The following RUNX1T1 variants were observed in gnomAD, a reference collection of about 807,000 sequenced individuals.
The protein encoded by RUNX1T1 is RUNX1 partner transcriptional co-repressor 1, also known as protein CBFA2T1.
In RUNX1T1, 4 loss-of-function variants were observed where a neutral mutation model predicts 62.8. The observed-to-expected ratio is 0.06, with a 90% CI of 0.03 to 0.15. The LOEUF is 0.15. Among genes scored for constraint, RUNX1T1 ranks in the 10% least tolerant of loss-of-function variants. The pLI is 1.00. For missense variants in RUNX1T1, 508 were observed against 754.3 expected (o/e 0.67, Z 3.82); for synonymous variants, 291 against 286.0 (o/e 1.02, Z -0.18).
At chr8:92,035,378 T>C (rs1827229838) in intron 1 of RUNX1T1, among the ~76,000 whole-genome samples, 1 of 150,990 alleles carries the variant, frequency 6.6e-6, no homozygotes, top group Admixed American at 6.6e-5. Flanking sequence ...GAGGTGAGAG[T>C]TGAAAAATTA....
chr8:92,087,945 T>C (rs1372954489), intron 1 of RUNX1T1, among the ~76,000 whole-genome samples: 1 of 152,214 alleles, frequency 6.6e-6, no homozygotes, highest in African/African-American at 2.4e-5. Context: ...ACATTAACTC[T>C]TCCTTTAGAC....
At chr8:92,093,890 G>C (rs936012227) in intron 1 of RUNX1T1, among the ~76,000 whole-genome samples, 1 of 152,102 alleles carries the variant, frequency 6.6e-6, no homozygotes, top group Non-Finnish European at 1.5e-5. Context: ...CTATTTCTCT[G>C]TAACATCCAA....
At chr8:91,986,760 T>A (rs901842489) in intron 7 of RUNX1T1, 127 bp downstream of exon 8, 1 of 684,604 alleles carries the variant, frequency 1.5e-6, no homozygotes, top group African/African-American at 1.8e-5. Flanking sequence ...TCTCGCTCAT[T>A]TTTTTTTCAA....
chr8:92,050,997 T>A, intron 1 of RUNX1T1, among the ~76,000 whole-genome samples: 1 of 152,208 alleles, frequency 6.6e-6, no homozygotes, highest in South Asian at 2.1e-4. Context: ...ATCTCACCTA[T>A]TTAAAGGTGT....
chr8:92,052,511 G>A (rs1830391722), intron 1 of RUNX1T1, among the ~76,000 whole-genome samples: 1 of 151,866 alleles, frequency 6.6e-6, no homozygotes, highest in Non-Finnish European at 1.5e-5. Context: ...AAAATAAAAA[G>A]AAAAAATAAG....
At chr8:91,974,764 G>A (rs993423920) in intron 9 of RUNX1T1, among the ~76,000 whole-genome samples, 5 of 152,250 alleles carry the variant, frequency 3.3e-5, no homozygotes, top group Non-Finnish European at 7.4e-5. Context: ...CGTATTGGAC[G>A]TGCAAGACAG....
intron 1 of RUNX1T1, among the ~76,000 whole-genome samples, chr8:92,079,870 A>G (rs549852005): frequency 4.6e-5 from 7 of 152,090 alleles, no homozygotes; most frequent in Admixed American, 3.3e-4. Flanking sequence ...GGCCCTTCCC[A>G]TAGACTGCTG....
exon 11 of RUNX1T1, chr8:91,960,272 G>A: frequency 6.2e-7 from 1 of 1,609,646 alleles, no homozygotes. Context: ...TGGTGGAAGG[G>A]GTTCCCGGGG....
chr8:92,035,994 A>C (rs1827343877), intron 1 of RUNX1T1, among the ~76,000 whole-genome samples: 1 of 152,320 alleles, frequency 6.6e-6, no homozygotes, highest in East Asian at 1.9e-4. Flanking sequence ...ACATAAATTT[A>C]ATGTTAGTAA....
At chr8:92,070,329 T>C (rs1327307076) in intron 2 of RUNX1T1, among the ~76,000 whole-genome samples, 1 of 152,234 alleles carries the variant, frequency 6.6e-6, no homozygotes, top group Non-Finnish European at 1.5e-5. Context: ...TTAGGAATAT[T>C]GGCTGTGGCT....
chr8:92,066,169 T>C (rs1832841196), upstream of RUNX1T1, among the ~76,000 whole-genome samples: 1 of 152,142 alleles, frequency 6.6e-6, no homozygotes, highest in Non-Finnish European at 1.5e-5. Context: ...CTTGATAAAC[T>C]GAATGAGAAG....
chr8:92,000,847 G>A (rs910399376), intron 5 of RUNX1T1, among the ~76,000 whole-genome samples: 1 of 152,162 alleles, frequency 6.6e-6, no homozygotes, highest in Non-Finnish European at 1.5e-5. Context: ...GAAAATAAAT[G>A]AGGGAAAGTA....
At chr8:91,968,559 T>G (rs1365794461) in intron 10 of RUNX1T1, among the ~76,000 whole-genome samples, 1 of 152,174 alleles carries the variant, frequency 6.6e-6, no homozygotes, top group African/African-American at 2.4e-5. Flanking sequence ...TTACAGCATT[T>G]TTGGAGAAAA....
chr8:92,052,058 T>A (rs1830333483), intron 1 of RUNX1T1, among the ~76,000 whole-genome samples: 1 of 152,152 alleles, frequency 6.6e-6, no homozygotes, highest in Admixed American at 6.5e-5. Flanking sequence ...ACAAAGCGTG[T>A]CAGACTACAC....
chr8:92,050,362 A>G (rs748361906), intron 1 of RUNX1T1, among the ~76,000 whole-genome samples: 1 of 152,184 alleles, frequency 6.6e-6, no homozygotes, highest in Non-Finnish European at 1.5e-5. Context: ...CAGATTTCCA[A>G]CTGGACACTG....
intron 1 of RUNX1T1, among the ~76,000 whole-genome samples, chr8:92,085,691 A>G (rs2130856957): frequency 6.6e-6 from 1 of 151,410 alleles, no homozygotes; most frequent in African/African-American, 2.5e-5. Flanking sequence ...TTTTAAATTA[A>G]GTGTTATCAG....
At chr8:92,051,892 A>T (rs898989810) in intron 1 of RUNX1T1, among the ~76,000 whole-genome samples, 1 of 132,698 alleles carries the variant, frequency 7.5e-6, no homozygotes, top group African/African-American at 3.2e-5. Context: ...CATGCTCTTT[A>T]AAAAAAAAAA....
chr8:91,960,259 C>G, exon 11 of RUNX1T1: 2 of 1,609,486 alleles, frequency 1.2e-6, no homozygotes, highest in Non-Finnish European at 1.7e-6. Context: ...GGGGTTGTCT[C>G]TATGGTGGAA....
At chr8:92,079,489 T>G (rs1834910445) in intron 1 of RUNX1T1, among the ~76,000 whole-genome samples, 1 of 152,318 alleles carries the variant, frequency 6.6e-6, no homozygotes, top group African/African-American at 2.4e-5. Flanking sequence ...TATGCCTCAC[T>G]TCAGGACTAT....
Sources: allele counts gnomAD v4.1 joint callset (sites outside exome capture counted in the v4.1 genomes callset), GRCh38; gene constraint gnomAD v4.1.1; transcripts MANE v1.5; gene names NCBI Gene and HGNC (gene_info 2026-07-23, HGNC 2026-07-21).